UNC13B: variants seen among roughly 807,000 people sequenced by gnomAD.
The protein encoded by UNC13B is protein unc-13 homolog B.
Under a neutral mutation model 211.0 loss-of-function variants are expected in UNC13B, and 144 were observed. The ratio of observed to expected loss-of-function variants is 0.68; its 90% CI spans 0.60 to 0.78. UNC13B has a LOEUF of 0.78. Among genes scored for constraint, UNC13B ranks in the 30% least tolerant of loss-of-function variants. The pLI, the probability that UNC13B is intolerant of heterozygous loss-of-function variation, is 0.00. For synonymous variants in UNC13B, 709 were observed against 725.8 expected (o/e 0.98, Z 0.37); for missense variants, 1,777 against 2,002.0 (o/e 0.89, Z 2.14).
chr9:35,309,803 G>A (rs1055161725), intron 9 of UNC13B, among the ~76,000 whole-genome samples: 8 of 152,164 alleles, frequency 5.3e-5, no homozygotes, highest in African/African-American at 1.9e-4. Flanking sequence ...TCTTTGGGAC[G>A]CTTCCTATGC....
At chr9:35,364,185 T>C (rs1587703737) in intron 11 of UNC13B, among the ~76,000 whole-genome samples, 1 of 130,884 alleles carries the variant, frequency 7.6e-6, no homozygotes, top group East Asian at 2.0e-4. Flanking sequence ...AGATAGTCTG[T>C]TGGAGTGGTC....
intron 5 of UNC13B, among the ~76,000 whole-genome samples, chr9:35,240,709 A>G (rs2131547182): frequency 6.6e-6 from 1 of 152,258 alleles, no homozygotes; most frequent in South Asian, 2.1e-4. Flanking sequence ...TTACATAGTT[A>G]CAAATGTTAT....
At chr9:35,236,233 T>G (rs1171447066) in intron 3 of UNC13B, among the ~76,000 whole-genome samples, 4 of 152,172 alleles carry the variant, frequency 2.6e-5, no homozygotes, top group Non-Finnish European at 4.4e-5. Flanking sequence ...GGAGGCACTA[T>G]GTGGTATAGC....
chr9:35,370,566 C>T (rs1249744119), intron 13 of UNC13B, among the ~76,000 whole-genome samples, 170 bp downstream of exon 13: 1 of 152,260 alleles, frequency 6.6e-6, no homozygotes, highest in Non-Finnish European at 1.5e-5. Flanking sequence ...GGACTGTGTT[C>T]TACCTCACTC....
Position 35,162,072 on chromosome 9 carries a change from C to CGGCCGGTACT in UNC13B, c.-211_-202dup. 1.6e-6 allele frequency: 1 copy of CGGCCGGTACT among 640,180 alleles called. No homozygotes were observed. Among genetic ancestry groups the CGGCCGGTACT allele is most frequent in the Non-Finnish European group, 2.6e-6 (1 of 390,346 alleles). 39.7% of individuals were successfully genotyped at this position (640,180 alleles called of 1,614,324 possible). A position where few individuals can be genotyped will look rare whatever the true frequency, so the allele number is the denominator to read the frequency against. On this transcript the variant is annotated 5_prime_UTR_variant, in exon 1 of 40. The change abolishes the stop of an existing upstream ORF in the 5' untranslated region. Coordinates refer to ENST00000635942, the MANE Select transcript of UNC13B (RefSeq NM_001371189.2). ...GTGCCGCGCCCAGTCCCCAGCCTGC[C>CGGCCGGTACT]GGCCGGTACTCACCGCTACCCGGAG... is the stretch of plus-strand genomic sequence containing the variant.
intron 11 of UNC13B, among the ~76,000 whole-genome samples, chr9:35,320,474 T>C (rs560166044): frequency 2.0e-5 from 3 of 152,354 alleles, no homozygotes; most frequent in African/African-American, 4.8e-5. Flanking sequence ...TATCAAACTT[T>C]TGGATTTTCA....
At chr9:35,334,765 G>C (rs200643719) in intron 11 of UNC13B, among the ~76,000 whole-genome samples, 2 of 152,102 alleles carry the variant, frequency 1.3e-5, no homozygotes, top group East Asian at 3.9e-4. Context: ...GGCCGGGCGC[G>C]GTGGCTCACG....
intron 13 of UNC13B, 68 bp from the exon 14 acceptor site, chr9:35,375,059 A>T: frequency 6.4e-7 from 1 of 1,555,996 alleles, no homozygotes; most frequent in Non-Finnish European, 8.9e-7. Context: ...TGGTCACTGA[A>T]GCTCCCTCCC....
rs1834904141 is a variant in UNC13B at position 35,382,345 on chromosome 9, T to C, written c.10656-12T>C. 6.2e-7 allele frequency: 1 copy of C among 1,608,730 alleles called. No individual in the cohort carries two copies. The highest frequency in any genetic ancestry group is 8.5e-7 in the Non-Finnish European group (1 of 1,177,936). On this transcript the variant is annotated splice_polypyrimidine_tract_variant and intron_variant, in intron 20 of 39. Transcript: ENST00000635942. ...GAAGAGTCTTTGAGGCTGCGGGTGC[T>C]GTGTTTTTCAGGCACTTTGCATGTT...
At chr9:35,356,778 G>A (rs1433441337) in intron 11 of UNC13B, among the ~76,000 whole-genome samples, 1 of 151,948 alleles carries the variant, frequency 6.6e-6, no homozygotes, top group Non-Finnish European at 1.5e-5. Context: ...ACTTCTCTTT[G>A]CCCCCAGCCT....
chr9:35,165,204 C>T (rs1423509210), intron 1 of UNC13B, among the ~76,000 whole-genome samples: 2 of 152,096 alleles, frequency 1.3e-5, no homozygotes, highest in Non-Finnish European at 2.9e-5. Flanking sequence ...TTTTTGTTGT[C>T]ATTCCAGAGG....
chr9:35,295,070 A>G (rs1198147232), intron 7 of UNC13B, among the ~76,000 whole-genome samples: 1 of 152,180 alleles, frequency 6.6e-6, no homozygotes, highest in East Asian at 1.9e-4. Context: ...AGGAATTGTT[A>G]GGAAAAGCTA....
At chr9:35,257,295 TATATTTATAAAAAATATAA>T (rs1564097544) in intron 6 of UNC13B, among the ~76,000 whole-genome samples, 13 of 81,924 alleles carry the variant, frequency 1.6e-4, no homozygotes, top group South Asian at 3.9e-4. Flanking sequence ...CCCCATTTTT[TATATTTATAAAAAATATAA>T]ATATTTATAA....
At chr9:35,380,066 C>G (rs541623202) in intron 17 of UNC13B, among the ~76,000 whole-genome samples, 59 of 152,298 alleles carry the variant, frequency 3.9e-4, no homozygotes, top group African/African-American at 1.3e-3. Flanking sequence ...ATGAACATGT[C>G]TAGCACCTTT....
chr9:35,306,095 GA>G lies in UNC13B; in HGVS notation c.6696del (p.Lys2232AsnfsTer10). ...FLDQKKETSG[E>X]KQSISTVVPV... is the part of the protein sequence containing the mutation. ...GGATCAAAAAAAGGAGACCTCTGGG[GA>G]AAAACAAAGCATTTCAACTGTTGTT... On this transcript the variant is annotated frameshift_variant, in exon 9 of 40. Transcript: ENST00000635942. LOFTEE classifies it high-confidence loss of function. The G allele has an allele frequency of 2.5e-6, 1 of 398,950 alleles. No homozygotes were observed. 24.7% of individuals were successfully genotyped at this position (398,950 alleles called of 1,614,324 possible).
At position 35,306,810 on chromosome 9, in the gene UNC13B, C is replaced by T. The variant is rs1829946938; in HGVS notation, c.7406C>T (p.Ser2469Phe). ...TTTGTGACCAAAGTGAAATCTTTCT[C>T]TGGGAGCTTAATTGAACCTCCCAAA... ...SGFVTKVKSF[S>F]GSLIEPPKTL... Residue 2469 changes from serine to phenylalanine, a missense_variant, in exon 9 of 40, where the codon TCT becomes TTT. Coordinates refer to ENST00000635942, the MANE Select transcript of UNC13B (RefSeq NM_001371189.2). 7.5e-6 allele frequency: 3 copies of T among 399,058 alleles called. No homozygotes were observed. The highest frequency in any genetic ancestry group is 1.3e-5 in the Non-Finnish European group (3 of 226,052). 24.7% of individuals were successfully genotyped at this position (399,058 alleles called of 1,614,324 possible).
intron 11 of UNC13B, among the ~76,000 whole-genome samples, chr9:35,334,167 T>G (rs1831522670): frequency 6.6e-6 from 1 of 152,212 alleles, no homozygotes; most frequent in Non-Finnish European, 1.5e-5. Flanking sequence ...GGTTTTACCA[T>G]GTTGGCCAGG....
At chr9:35,239,525 C>T (rs1274958478) in intron 5 of UNC13B, among the ~76,000 whole-genome samples, 7 of 152,264 alleles carry the variant, frequency 4.6e-5, no homozygotes, top group South Asian at 4.1e-4. Flanking sequence ...AATGAAGTTT[C>T]GGGCATGCAT....
At chr9:35,270,125 T>G (rs1180929278) in intron 7 of UNC13B, among the ~76,000 whole-genome samples, 1 of 152,176 alleles carries the variant, frequency 6.6e-6, no homozygotes, top group Non-Finnish European at 1.5e-5. Context: ...ATTTCTCCAA[T>G]GAGGCTGGTT....
Sources: gnomAD v4.1 joint callset for allele counts (sites outside exome capture counted in the v4.1 genomes callset) on GRCh38, gnomAD v4.1.1 for gene constraint, MANE v1.5 for transcripts, NCBI Gene and HGNC (gene_info 2026-07-23, HGNC 2026-07-21) for gene names.